Variants in ELAVL4 observed in about 807,000 individuals in gnomAD.
ELAVL4 encodes ELAV-like protein 4.
ELAVL4 carries 1 observed loss-of-function variant against 35.6 expected under a neutral mutation model. The observed-to-expected ratio is 0.03, with a 90% confidence interval of 0.01 to 0.13. The LOEUF is 0.13. Among genes scored for constraint, ELAVL4 ranks in the 10% least tolerant of loss-of-function variants. The pLI is 1.00. For missense variants in ELAVL4, 267 were observed against 464.9 expected (o/e 0.57, Z 3.91); for synonymous variants, 156 against 171.0 (o/e 0.91, Z 0.69).
intron 1 of ELAVL4, among the ~76,000 whole-genome samples, chr1:50,069,840 T>C (rs1247089618): frequency 1.3e-5 from 2 of 152,230 alleles, no homozygotes; most frequent in Non-Finnish European, 2.9e-5. Context: ...ATTTCCTTTG[T>C]AGACCCTTCT....
At chr1:50,197,030 C>T (rs1644100159) in intron 5 of ELAVL4, among the ~76,000 whole-genome samples, 1 of 152,148 alleles carries the variant, frequency 6.6e-6, no homozygotes, top group Non-Finnish European at 1.5e-5. Context: ...TATTGTGTGC[C>T]TGTGTATTGT....
intron 1 of ELAVL4, among the ~76,000 whole-genome samples, chr1:50,080,467 A>G (rs1346170468): frequency 6.6e-6 from 1 of 152,082 alleles, no homozygotes; most frequent in Non-Finnish European, 1.5e-5. Context: ...TGGTCAGGCA[A>G]TCATTCTCTG....
At chr1:50,122,630 C>A (rs1009480437) in intron 1 of ELAVL4, among the ~76,000 whole-genome samples, 1 of 152,094 alleles carries the variant, frequency 6.6e-6, no homozygotes, top group African/African-American at 2.4e-5. Flanking sequence ...GAAAAGCCAA[C>A]AAGAGCTCAA....
Position 50,078,431 on chromosome 1 carries a change from A to AGT in ELAVL4, c.18+30249_18+30250insGT, listed in dbSNP as rs376118813. Among the ~76,000 whole-genome samples the AGT allele has an allele frequency of 3.0e-4, 46 of 152,138 alleles. 1 individual carries two copies. The South Asian group carries it at 8.7e-3, about 29-fold the overall frequency. ...TTACCCTCAGGTTGCCGTCTGCCAA[A>AGT]CTGTAATGAGTGTTTCACAAGTACT... On this transcript the variant is annotated intron_variant, in intron 1 of 6. Transcript: ENST00000448907.
intron 1 of ELAVL4, among the ~76,000 whole-genome samples, chr1:50,098,729 G>A (rs975360656): frequency 6.6e-6 from 1 of 152,200 alleles, no homozygotes; most frequent in African/African-American, 2.4e-5. Context: ...TTTAGAGTCA[G>A]AGAGGGGAAG....
At chr1:50,159,901 C>T (rs1481687718) in intron 2 of ELAVL4, among the ~76,000 whole-genome samples, 2 of 152,034 alleles carry the variant, frequency 1.3e-5, no homozygotes, top group Admixed American at 6.5e-5. Flanking sequence ...CAAGTAAAAG[C>T]GTTGGTGTCC....
At chr1:50,064,199 G>A (rs1301107194) in intron 1 of ELAVL4, among the ~76,000 whole-genome samples, 2 of 152,108 alleles carry the variant, frequency 1.3e-5, no homozygotes, top group African/African-American at 2.4e-5. Context: ...GTTAGGTTGT[G>A]TTAGATCAAG....
chr1:50,096,250 T>C (rs1007437735), intron 1 of ELAVL4, among the ~76,000 whole-genome samples: 1 of 151,654 alleles, frequency 6.6e-6, no homozygotes, highest in Non-Finnish European at 1.5e-5. Flanking sequence ...GACAGACCCG[T>C]AAACAACTGT....
At chr1:50,177,424 A>G (rs184732497) in intron 3 of ELAVL4, among the ~76,000 whole-genome samples, 7 of 152,198 alleles carry the variant, frequency 4.6e-5, no homozygotes, top group Non-Finnish European at 7.3e-5. Flanking sequence ...AAGAGGGCAG[A>G]TGGGATATTT....
chr1:50,128,109 C>T (rs192925950), intron 1 of ELAVL4, among the ~76,000 whole-genome samples: 112 of 152,112 alleles, frequency 7.4e-4, no homozygotes, highest in Admixed American at 2.7e-3. Flanking sequence ...AATTCAGACT[C>T]AACGTGGAAA....
At chr1:50,060,303 G>T (rs1045426694) in intron 1 of ELAVL4, among the ~76,000 whole-genome samples, 7 of 152,108 alleles carry the variant, frequency 4.6e-5, no homozygotes, top group African/African-American at 7.2e-5. Context: ...TGTCATTTAG[G>T]CACCTGCCGT....
At chr1:50,193,395 G>T (rs137957213) in intron 3 of ELAVL4, among the ~76,000 whole-genome samples, 6 of 147,354 alleles carry the variant, frequency 4.1e-5, no homozygotes, top group South Asian at 4.4e-4. Context: ...TTTATTCAAA[G>T]ATTATTATGT....
At chr1:50,098,353 A>C (rs1665805160) in intron 1 of ELAVL4, among the ~76,000 whole-genome samples, 1 of 152,228 alleles carries the variant, frequency 6.6e-6, no homozygotes, top group Non-Finnish European at 1.5e-5. Flanking sequence ...ATTAATGATA[A>C]CTTGGTTAAA....
At chr1:50,131,401 A>G (rs1346778651) in intron 1 of ELAVL4, among the ~76,000 whole-genome samples, 1 of 152,178 alleles carries the variant, frequency 6.6e-6, no homozygotes, top group Non-Finnish European at 1.5e-5. Context: ...GATTGTGAAG[A>G]CAGAAATACT....
intron 1 of ELAVL4, among the ~76,000 whole-genome samples, chr1:50,086,194 A>T (rs980216861): frequency 2.6e-5 from 4 of 151,918 alleles, no homozygotes; most frequent in Admixed American, 6.6e-5. Context: ...TTCCTTGTTA[A>T]TTGCTTTTAA....
chr1:50,101,737 T>C (rs1665990471), upstream of ELAVL4, among the ~76,000 whole-genome samples: 1 of 152,016 alleles, frequency 6.6e-6, no homozygotes, highest in Non-Finnish European at 1.5e-5. Flanking sequence ...GAGACCCCTA[T>C]CTCTACCAAA....
intron 1 of ELAVL4, among the ~76,000 whole-genome samples, chr1:50,132,790 A>C (rs1238106387): frequency 6.6e-6 from 1 of 152,192 alleles, no homozygotes; most frequent in East Asian, 1.9e-4. Flanking sequence ...TTTTTTAAAA[A>C]ACAACTTCCT....
chr1:50,051,293 A>T (rs1663366236), intron 1 of ELAVL4, among the ~76,000 whole-genome samples: 1 of 152,180 alleles, frequency 6.6e-6, no homozygotes, highest in South Asian at 2.1e-4. Context: ...CATAGTTCTA[A>T]CATGTTTAGT....
intron 1 of ELAVL4, among the ~76,000 whole-genome samples, chr1:50,119,072 GAA>G (rs1261016915): frequency 2.9e-5 from 4 of 136,336 alleles, no homozygotes; most frequent in African/African-American, 8.7e-5. Flanking sequence ...AAGAAAGAAA[GAA>G]AGAAAGAAAG....
Sources: allele counts gnomAD v4.1 joint callset (sites outside exome capture counted in the v4.1 genomes callset), GRCh38; gene constraint gnomAD v4.1.1; transcripts MANE v1.5; gene names NCBI Gene and HGNC (gene_info 2026-07-23, HGNC 2026-07-21).